DLG2: variants seen among roughly 807,000 people sequenced by gnomAD.
The protein encoded by DLG2 is discs large MAGUK scaffold protein 2.
A neutral mutation model predicts 132.5 loss-of-function variants in DLG2; 45 were observed. The observed-to-expected ratio is 0.34, with a 90% CI of 0.27 to 0.44. The LOEUF is 0.44. Among genes scored for constraint, DLG2 ranks in the 20% least tolerant of loss-of-function variants. DLG2 has a pLI of 1.00. For synonymous variants in DLG2, 424 were observed against 419.6 expected (o/e 1.01, Z -0.13); for missense variants, 1,045 against 1,196.9 (o/e 0.87, Z 1.87).
intron 7 of DLG2, among the ~76,000 whole-genome samples, chr11:84,423,940 C>G (rs2098958669): frequency 6.6e-6 from 1 of 152,098 alleles, no homozygotes; most frequent in East Asian, 1.9e-4. Flanking sequence ...TGCAGAAAAA[C>G]ACATTGAAGT....
At chr11:83,940,702 T>A (rs544132782) in intron 14 of DLG2, among the ~76,000 whole-genome samples, 1 of 152,328 alleles carries the variant, frequency 6.6e-6, no homozygotes, top group South Asian at 2.1e-4. Flanking sequence ...CAATAGAGAA[T>A]AGGACAGAGG....
chr11:85,374,514 T>A (rs2085246837), intron 3 of DLG2, among the ~76,000 whole-genome samples: 1 of 152,170 alleles, frequency 6.6e-6, no homozygotes, highest in African/African-American at 2.4e-5. Context: ...TAATTTTGTA[T>A]TTTTAGTAGA....
chr11:85,253,028 T>A (rs1177658921), intron 4 of DLG2, among the ~76,000 whole-genome samples: 1 of 152,214 alleles, frequency 6.6e-6, no homozygotes, highest in African/African-American at 2.4e-5. Flanking sequence ...CTACAAATTC[T>A]CTTATATTAC....
At chr11:84,613,956 C>T (rs946920279) in intron 6 of DLG2, among the ~76,000 whole-genome samples, 9 of 152,074 alleles carry the variant, frequency 5.9e-5, no homozygotes, top group Non-Finnish European at 1.3e-4. Flanking sequence ...TAAAGTGGGA[C>T]CTTGCCTATG....
At chr11:85,060,793 G>T (rs1593411732) in intron 6 of DLG2, among the ~76,000 whole-genome samples, 1 of 151,512 alleles carries the variant, frequency 6.6e-6, no homozygotes, top group South Asian at 2.1e-4. Flanking sequence ...TACATTCCCA[G>T]AAACAGTGTA....
At chr11:84,690,935 T>G (rs1325023628) in intron 6 of DLG2, among the ~76,000 whole-genome samples, 2 of 151,868 alleles carry the variant, frequency 1.3e-5, no homozygotes, top group Non-Finnish European at 2.9e-5. Flanking sequence ...ATTCTTTGCC[T>G]CCATATAAGA....
rs191908418 is a variant in DLG2 at position 83,621,043 on chromosome 11, G to A, written c.1940+12168C>T. On this transcript the variant is annotated intron_variant, in intron 19 of 27. Coordinates refer to ENST00000376104, the MANE Select transcript of DLG2 (RefSeq NM_001142699.3). ...AAAAATATGGAGATCTATCTAGTGAGGTTTTAAAACTACAAATTTATAATA... is the reference window on the plus strand; with the variant it reads ...AAAAATATGGAGATCTATCTAGTGAAGTTTTAAAACTACAAATTTATAATA... 2.6e-5 allele frequency among the ~76,000 whole-genome samples: 4 copies of A among 151,940 alleles called. No homozygotes were observed. The East Asian group carries it at 7.7e-4, about 29-fold the overall frequency.
chr11:83,781,354 T>C (rs775391124), intron 18 of DLG2, among the ~76,000 whole-genome samples: 1 of 152,150 alleles, frequency 6.6e-6, no homozygotes, highest in East Asian at 1.9e-4. Flanking sequence ...TAACATGGAC[T>C]GAGGCATAAT....
At chr11:85,009,288 T>C (rs2058952811) in intron 6 of DLG2, among the ~76,000 whole-genome samples, 1 of 152,044 alleles carries the variant, frequency 6.6e-6, no homozygotes, top group Non-Finnish European at 1.5e-5. Context: ...GAAAATAAAA[T>C]TCAGTGATAC....
intron 7 of DLG2, among the ~76,000 whole-genome samples, chr11:84,451,469 C>T (rs2099051418): frequency 6.6e-6 from 1 of 151,666 alleles, no homozygotes; most frequent in Admixed American, 6.6e-5. Flanking sequence ...AGGGGGACAT[C>T]CACATTCATG....
chr11:83,749,191 T>A (rs1299898233), intron 18 of DLG2, among the ~76,000 whole-genome samples: 1 of 152,180 alleles, frequency 6.6e-6, no homozygotes, highest in African/African-American at 2.4e-5. Flanking sequence ...ATGATTAGCA[T>A]GGAGAGCCAT....
Position 83,512,083 on chromosome 11 carries a change from G to A in DLG2, c.2193+20625C>T, listed in dbSNP as rs144833867. 2.0e-3 allele frequency among the ~76,000 whole-genome samples: 306 copies of A among 152,288 alleles called. 3 individuals are homozygous for A. The highest frequency in any genetic ancestry group is 6.8e-3 in the African/African-American group (284 of 41,554). ...CAGGGGAAGCTGGGTGGGGCAGCTG[G>A]AGACAGCTCAAAGGCACCATTTTAG... is the stretch of plus-strand genomic sequence containing the variant. On this transcript the variant is annotated intron_variant, in intron 21 of 27. Transcript: ENST00000376104.
chr11:84,183,324 A>G (rs2154281892), intron 8 of DLG2, among the ~76,000 whole-genome samples: 1 of 152,272 alleles, frequency 6.6e-6, no homozygotes, highest in Non-Finnish European at 1.5e-5. Context: ...GTGTCACTGT[A>G]AGTTCATCAG....
chr11:84,667,697 C>T (rs1426017524), intron 6 of DLG2, among the ~76,000 whole-genome samples: 1 of 151,798 alleles, frequency 6.6e-6, no homozygotes, highest in Non-Finnish European at 1.5e-5. Flanking sequence ...TGGGTTTTCA[C>T]CATGTTGGCC....
At chr11:84,469,864 A>T (rs1451350813) in intron 7 of DLG2, among the ~76,000 whole-genome samples, 1 of 151,748 alleles carries the variant, frequency 6.6e-6, no homozygotes, top group African/African-American at 2.4e-5. Flanking sequence ...ACATTCTAAG[A>T]AATGTGTGTT....
At chr11:84,602,327 G>GA (rs142749931) in intron 6 of DLG2, among the ~76,000 whole-genome samples, 4,798 of 147,060 alleles carry the variant, frequency 0.033, 286 homozygotes, top group African/African-American at 0.11. Context: ...TTCTACTGGT[G>GA]AAAAAAAAAA....
In DLG2 at chr11:84,625,179, C is replaced by G. The variant is rs117215774; in HGVS notation, c.358-90448G>C. Reference sequence around the variant, plus strand: ...CCGGCCCGAGAGTCAACCTTTTATTCAAGTCAAAAGTCCTTAAAAATTTGA... The same window carrying G: ...CCGGCCCGAGAGTCAACCTTTTATTGAAGTCAAAAGTCCTTAAAAATTTGA... On this transcript the variant is annotated intron_variant, in intron 6 of 27. Coordinates refer to ENST00000376104, the MANE Select transcript of DLG2 (RefSeq NM_001142699.3). Among the ~76,000 whole-genome samples, 747 of 152,134 alleles carry G rather than the reference C, an allele frequency of 4.9e-3. 1 individual carries two copies. Among genetic ancestry groups the G allele is most frequent in the Non-Finnish European group, 7.7e-3 (523 of 67,988 alleles).
chr11:85,033,876 C>G (rs1437285941), intron 6 of DLG2, among the ~76,000 whole-genome samples: 1 of 151,602 alleles, frequency 6.6e-6, no homozygotes, highest in Non-Finnish European at 1.5e-5. Context: ...TCTTCTTTAT[C>G]GTTAGATATG....
intron 20 of DLG2, among the ~76,000 whole-genome samples, chr11:83,537,837 AGAG>A (rs1592721956): frequency 1.8e-3 from 155 of 87,822 alleles, no homozygotes; most frequent in African/African-American, 3.5e-3. Context: ...AAAAAAAAAG[AGAG>A]AGAGAGATAC....
Sources: gnomAD v4.1 joint callset for allele counts (sites outside exome capture counted in the v4.1 genomes callset) on GRCh38, gnomAD v4.1.1 for gene constraint, MANE v1.5 for transcripts, NCBI Gene and HGNC (gene_info 2026-07-23, HGNC 2026-07-21) for gene names.